The following HS6ST2 variants were observed in gnomAD, a reference collection of about 807,000 sequenced individuals.
HS6ST2 encodes the protein heparan sulfate 6-O-sulfotransferase 2, also known as heparan-sulfate 6-O-sulfotransferase 2.
A neutral mutation model predicts 33.0 loss-of-function variants in HS6ST2; 17 were observed. The observed-to-expected ratio is 0.52, with a 90% confidence interval of 0.35 to 0.77. The LOEUF (loss-of-function observed/expected upper bound fraction) is 0.77, where lower values mean the gene tolerates loss of function less well. Among genes scored for constraint, HS6ST2 ranks in the 30% least tolerant of loss-of-function variants. The pLI is 0.01. For synonymous variants in HS6ST2, 248 were observed against 237.1 expected, an observed-to-expected ratio of 1.05 and a Z score of -0.42; for missense variants, 519 against 551.7, an observed-to-expected ratio of 0.94 and a Z score of 0.59.
chrX:132,835,354 A>G (rs2065630804), intron 2 of HS6ST2, among the ~76,000 whole-genome samples: 2 of 111,637 alleles, frequency 1.8e-5, no homozygotes, highest in Middle Eastern at 4.6e-3. Context: ...GATATAACAG[A>G]AGGAGGAGGA....
intron 3 of HS6ST2, among the ~76,000 whole-genome samples, chrX:132,674,438 G>A (rs1189830053): frequency 8.9e-6 from 1 of 112,021 alleles, no homozygotes; most frequent in African/African-American, 3.2e-5. Flanking sequence ...GAATTGAAAA[G>A]CTCTTGGAAA....
intron 2 of HS6ST2, among the ~76,000 whole-genome samples, chrX:132,798,012 C>CA (rs140144337): frequency 0.019 from 1,052 of 55,764 alleles, 23 homozygotes; most frequent in African/African-American, 0.072. Context: ...GACTTTGTCT[C>CA]AAAAAAAAAA....
chrX:132,637,867 TTATATATAATA>T (rs1190865202), intron 4 of HS6ST2, among the ~76,000 whole-genome samples: 10 of 35,998 alleles, frequency 2.8e-4, no homozygotes, highest in Non-Finnish European at 3.9e-4. Context: ...ATATAATATA[TTATATATAATA>T]TATATATAAT....
At chrX:132,760,737 C>T (rs181566288) in intron 2 of HS6ST2, among the ~76,000 whole-genome samples, 5 of 110,896 alleles carry the variant, frequency 4.5e-5, no homozygotes, top group East Asian at 2.9e-4. Flanking sequence ...GGGGGCAGGG[C>T]GAGTAAATGC....
At chrX:132,751,758 G>A (rs2064709414) in intron 2 of HS6ST2, among the ~76,000 whole-genome samples, 1 of 112,453 alleles carries the variant, frequency 8.9e-6, no homozygotes, top group South Asian at 3.6e-4. Flanking sequence ...GTATTAACCA[G>A]CACGAAGGAC....
intron 2 of HS6ST2, among the ~76,000 whole-genome samples, chrX:132,951,947 G>C (rs1363857096): frequency 8.9e-6 from 1 of 111,975 alleles, no homozygotes; most frequent in Admixed American, 9.5e-5. Context: ...CATAAGCTCT[G>C]TGAGACAGAG....
chrX:132,906,253 C>T (rs1273285072), intron 2 of HS6ST2, among the ~76,000 whole-genome samples: 3 of 111,970 alleles, frequency 2.7e-5, no homozygotes, highest in Non-Finnish European at 5.6e-5. Context: ...TTAGGTTTTT[C>T]CTAAACACTT....
At chrX:132,860,447 C>T (rs746802841) in intron 2 of HS6ST2, among the ~76,000 whole-genome samples, 1 of 112,315 alleles carries the variant, frequency 8.9e-6, no homozygotes, top group South Asian at 3.7e-4. Context: ...TTTTGCCAAC[C>T]ATCACACAGT....
rs34640492 is a variant in HS6ST2 at position 132,823,701 on chromosome X, CAAAA to C, written c.948-115211_948-115208del. 5.7e-3 allele frequency among the ~76,000 whole-genome samples: 350 copies of C among 61,288 alleles called. 2 individuals carry two copies. Among genetic ancestry groups the C allele is most frequent in the African/African-American group, 0.017 (307 of 18,185 alleles). The allele number at this position is 61,288 out of a possible 115,157, so 53.2% of individuals were successfully genotyped here. On this transcript the variant is annotated intron_variant, in intron 2 of 4. Transcript: ENST00000370833. ...TGAAACCCTGTCTCCACTAAAAATACAAAAAAAAAAAAAAAAAAACCCACCTGTA... is the reference window on the plus strand; with the variant it reads ...TGAAACCCTGTCTCCACTAAAAATACAAAAAAAAAAAAAAACCCACCTGTA...
At chrX:132,684,812 C>T (rs1285216205) in intron 3 of HS6ST2, among the ~76,000 whole-genome samples, 1 of 111,773 alleles carries the variant, frequency 8.9e-6, no homozygotes, top group Non-Finnish European at 1.9e-5. Context: ...GTTCTTTGTT[C>T]AGGACTCATG....
intron 2 of HS6ST2, among the ~76,000 whole-genome samples, chrX:132,775,409 C>T (rs1445555630): frequency 8.9e-6 from 1 of 111,761 alleles, no homozygotes; most frequent in African/African-American, 3.3e-5. Context: ...GCTCTTCCTC[C>T]AGTTCCTCTC....
At chrX:132,644,958 G>A (rs1022067062) in intron 4 of HS6ST2, among the ~76,000 whole-genome samples, 50 of 111,060 alleles carry the variant, frequency 4.5e-4, no homozygotes, top group African/African-American at 1.3e-3. Context: ...TCCTCCAAAT[G>A]TACCCCACTG....
intron 2 of HS6ST2, among the ~76,000 whole-genome samples, chrX:132,881,916 T>C (rs1311503091): frequency 8.9e-6 from 1 of 111,825 alleles, no homozygotes; most frequent in Non-Finnish European, 1.9e-5. Context: ...GTCAGGTTTG[T>C]CAAAGATCAG....
chrX:132,723,154 A>G (rs901697475), intron 2 of HS6ST2, among the ~76,000 whole-genome samples: 1 of 111,609 alleles, frequency 9.0e-6, no homozygotes, highest in Non-Finnish European at 1.9e-5. Context: ...GAACAGACCA[A>G]TAGCAAGTCA....
intron 2 of HS6ST2, among the ~76,000 whole-genome samples, chrX:132,786,178 A>G (rs1179179024): frequency 8.9e-6 from 1 of 112,002 alleles, no homozygotes; most frequent in Non-Finnish European, 1.9e-5. Flanking sequence ...TTTAGTTATC[A>G]GTACTTTGTA....
intron 2 of HS6ST2, among the ~76,000 whole-genome samples, chrX:132,892,252 G>A (rs999160611): frequency 1.8e-5 from 2 of 111,899 alleles, no homozygotes; most frequent in Middle Eastern, 4.6e-3. Flanking sequence ...GTCCAATCCG[G>A]TTATAAGATT....
intron 2 of HS6ST2, among the ~76,000 whole-genome samples, chrX:132,857,224 G>A (rs187222636): frequency 8.9e-6 from 1 of 112,263 alleles, no homozygotes; most frequent in Non-Finnish European, 1.9e-5. Context: ...GGTGGCTCAC[G>A]CCTGTAATCC....
chrX:132,750,586 G>A (rs1156849132), intron 2 of HS6ST2, among the ~76,000 whole-genome samples: 17 of 111,596 alleles, frequency 1.5e-4, no homozygotes, highest in Non-Finnish European at 3.8e-5. Flanking sequence ...TGGTGTGATG[G>A]GCCAAGGGTA....
At chrX:132,846,733 G>A (rs1373489604) in intron 2 of HS6ST2, among the ~76,000 whole-genome samples, 1 of 110,106 alleles carries the variant, frequency 9.1e-6, no homozygotes, top group Admixed American at 9.8e-5. Context: ...TGCTGATGTG[G>A]CATTTGGAGA....
Sources: gnomAD v4.1 joint callset for allele counts (sites outside exome capture counted in the v4.1 genomes callset) on GRCh38, gnomAD v4.1.1 for gene constraint, MANE v1.5 for transcripts, NCBI Gene and HGNC (gene_info 2026-07-23, HGNC 2026-07-21) for gene names.